Variants in BSN observed in about 807,000 individuals in gnomAD.
BSN encodes bassoon presynaptic cytomatrix protein, also known as protein bassoon.
BSN carries 57 observed loss-of-function variants against 264.8 expected under a neutral mutation model. The observed-to-expected ratio is 0.22, with a 90% confidence interval of 0.17 to 0.27. BSN has a LOEUF of 0.27. Ranked by LOEUF, BSN falls within the 10% of genes least tolerant of loss-of-function variation. BSN has a pLI of 1.00. For missense variants in BSN, 4,615 were observed against 5,232.5 expected (o/e 0.88, Z 3.64); for synonymous variants, 2,059 against 2,137.3 (o/e 0.96, Z 1.01).
chr3:49,613,666 C>CTTT (rs71627401), intron 1 of BSN, among the ~76,000 whole-genome samples: 3 of 143,074 alleles, frequency 2.1e-5, no homozygotes, highest in Non-Finnish European at 4.6e-5. Flanking sequence ...GGCTAATTTT[C>CTTT]TTTTTTTTTT....
At chr3:49,635,082 A>C (rs2052410685) in intron 2 of BSN, among the ~76,000 whole-genome samples, 1 of 152,124 alleles carries the variant, frequency 6.6e-6, no homozygotes, top group African/African-American at 2.4e-5. Context: ...TTGGATGTGG[A>C]GGGTAGGAGA....
chr3:49,633,587 A>T (rs2052397947), intron 2 of BSN, among the ~76,000 whole-genome samples: 1 of 152,240 alleles, frequency 6.6e-6, no homozygotes, highest in East Asian at 1.9e-4. Flanking sequence ...GTATACACTC[A>T]AATGAATTGA....
At position 49,654,804 on chromosome 3, in the gene BSN, G is replaced by A. The variant is rs777529497; in HGVS notation, c.5248G>A (p.Val1750Ile). The stretch of plus-strand genomic sequence containing the variant: ...CATGGCTCAACAAAAGCAGCCTGTG[G>A]TCTATGGAGACCCCTACCAGAGCCG... ...VFMAQQKQPV[V>I]YGDPYQSRLD... Residue 1750 changes from valine to isoleucine, a missense_variant, in exon 5 of 12, where the codon GTC (valine) becomes ATC (isoleucine). Around this residue, in one of 3 missense-constraint regions of BSN, gnomAD observed 3,415 missense variants for 3,866.4 expected, o/e 0.88. Coordinates refer to ENST00000296452, the MANE Select transcript of BSN (RefSeq NM_003458.4). The surrounding 1 kb of genome is among the most constrained non-coding windows in gnomAD (Gnocchi z 4.1). The A allele has an allele frequency of 8.7e-6, 14 of 1,613,548 alleles. No individual in the cohort carries two copies. The highest frequency in any genetic ancestry group is 1.2e-5 in the Non-Finnish European group (14 of 1,179,972).
Position 49,642,338 on chromosome 3 carries a change from G to A in BSN, c.704G>A (p.Arg235His), listed in dbSNP as rs149931635. 5 of 1,598,514 alleles carry A rather than the reference G, an allele frequency of 3.1e-6. No individual in the cohort carries two copies. The highest frequency in any genetic ancestry group is 1.7e-4 in the Middle Eastern group (1 of 6,024). ...GGAATGGACATGACCACTGCACCTCGCTCCAAGAGCCAGCAGCAGCTGCAC... is the reference window on the plus strand; with the variant it reads ...GGAATGGACATGACCACTGCACCTCACTCCAAGAGCCAGCAGCAGCTGCAC... ...ALGMDMTTAPRSKSQQQLHSP... is the reference protein window; with the variant it reads ...ALGMDMTTAPHSKSQQQLHSP... Residue 235 changes from arginine to histidine, a missense_variant, in exon 3 of 12, where the codon CGC becomes CAC. Arg to His is a conservative substitution (Grantham distance 29). This residue lies in a region of BSN where 1,197 missense variants were observed against 1,348.0 expected (regional missense o/e 0.89). Coordinates refer to ENST00000296452, the MANE Select transcript of BSN (RefSeq NM_003458.4). This position sits in a 1 kb window ranked among gnomAD's most constrained non-coding sequence, Gnocchi z 7.0.
intron 2 of BSN, among the ~76,000 whole-genome samples, chr3:49,639,524 G>A (rs1309457982): frequency 1.3e-5 from 2 of 152,188 alleles, no homozygotes; most frequent in Non-Finnish European, 2.9e-5. Context: ...AAGCATTTGG[G>A]TGGGTTAATT....
chr3:49,576,894 A>G (rs1184501153), intron 1 of BSN, among the ~76,000 whole-genome samples: 5 of 152,140 alleles, frequency 3.3e-5, no homozygotes, highest in Non-Finnish European at 7.4e-5. Context: ...GGTGCCCTAC[A>G]TTGGTATATG....
Position 49,662,078 on chromosome 3 carries a change from G to A in BSN, c.10233G>A (p.Gly3411=), listed in dbSNP as rs2052662676. The A allele has an allele frequency of 6.2e-7, 1 of 1,613,482 alleles. No homozygotes were observed. The highest frequency in any genetic ancestry group is 1.3e-5 in the African/African-American group (1 of 74,940). Residue 3411 remains glycine (G), a synonymous_variant, in exon 6 of 12, where the codon GGG becomes GGA. Transcript: ENST00000296452. ...AGTTCCAGGATGAAATCACCTATGGGCTCAAGAAGAACGTGTATGAGCAGC... is the reference window on the plus strand; with the variant it reads ...AGTTCCAGGATGAAATCACCTATGGACTCAAGAAGAACGTGTATGAGCAGC... ...GRKFQDEITY[G]LKKNVYEQQK...
At chr3:49,611,433 A>G (rs142276081) in intron 1 of BSN, among the ~76,000 whole-genome samples, 43 of 152,302 alleles carry the variant, frequency 2.8e-4, no homozygotes, top group Non-Finnish European at 4.7e-4. Flanking sequence ...GCAGGTGTCT[A>G]TAAGCCTGGG....
chr3:49,650,823 C>A lies in BSN; in HGVS notation c.1730C>A (p.Thr577Asn). 6.2e-7 allele frequency: 1 copy of A among 1,614,084 alleles called. No individual in the cohort carries two copies. Among genetic ancestry groups the A allele is most frequent in the Non-Finnish European group, 8.5e-7 (1 of 1,179,982 alleles). ...PLPAKASPLSTKASPLPSKAS... is the reference protein window; with the variant it reads ...PLPAKASPLSNKASPLPSKAS... Reference sequence around the variant, plus strand: ...CCTGCCAAGGCCAGCCCTCTATCCACCAAGGCCAGCCCTCTGCCCAGCAAG... The same window carrying A: ...CCTGCCAAGGCCAGCCCTCTATCCAACAAGGCCAGCCCTCTGCCCAGCAAG... Residue 577 changes from threonine (T) to asparagine (N), a missense_variant, in exon 4 of 12, where the codon ACC becomes AAC. By Grantham distance (65) the Thr-to-Asn change is moderately conservative (BLOSUM62 0). Coordinates refer to ENST00000296452, the MANE Select transcript of BSN (RefSeq NM_003458.4).
chr3:49,581,384 G>A (rs544499631), intron 1 of BSN, among the ~76,000 whole-genome samples: 3 of 152,302 alleles, frequency 2.0e-5, no homozygotes, highest in Non-Finnish European at 4.4e-5. Context: ...GTTACCCACG[G>A]TATGGTACAA....
At chr3:49,583,650 G>T (rs181236120) in intron 1 of BSN, among the ~76,000 whole-genome samples, 51 of 152,154 alleles carry the variant, frequency 3.4e-4, no homozygotes, top group Middle Eastern at 3.4e-3. Context: ...CTTTTTCAAT[G>T]GTTAGTAGGA....
chr3:49,624,300 C>CTTTTTTTTT lies in BSN; in HGVS notation c.225-666_225-658dup, dbSNP rs71080542. 1.5e-4 allele frequency among the ~76,000 whole-genome samples: 10 copies of CTTTTTTTTT among 67,184 alleles called. 4 individuals carry two copies. Among genetic ancestry groups the CTTTTTTTTT allele is most frequent in the East Asian group, 1.0e-3 (2 of 1,954 alleles). The allele number at this position is 67,184 out of a possible 152,430, so 44.1% of individuals were successfully genotyped here. ...CCAGGCGTGAGCCAACGTGCCCAGC[C>CTTTTTTTTT]TTTTTTTTTTTTTTTTTAGACAGGG... On this transcript the variant is annotated intron_variant, in intron 1 of 11. Coordinates refer to ENST00000296452, the MANE Select transcript of BSN (RefSeq NM_003458.4).
chr3:49,567,271 G>A (rs1196571786), intron 1 of BSN, among the ~76,000 whole-genome samples: 2 of 152,106 alleles, frequency 1.3e-5, no homozygotes, highest in Non-Finnish European at 2.9e-5. Context: ...TCTACTCTGT[G>A]GTTATCTGAT....
intron 11 of BSN, among the ~76,000 whole-genome samples, chr3:49,665,760 T>A (rs904825776): frequency 1.5e-4 from 23 of 152,202 alleles, no homozygotes; most frequent in African/African-American, 5.3e-4. Context: ...AAAACACTCC[T>A]GGCTTCACAG....
At chr3:49,610,158 C>T (rs1180260109) in intron 1 of BSN, among the ~76,000 whole-genome samples, 1 of 152,162 alleles carries the variant, frequency 6.6e-6, no homozygotes, top group African/African-American at 2.4e-5. Context: ...CTTCTGGGAG[C>T]CCCCAGACCA....
intron 8 of BSN, 102 bp from the exon 9 acceptor site, chr3:49,664,321 T>G: frequency 6.7e-7 from 1 of 1,492,832 alleles, no homozygotes. Context: ...CTTCCCACCT[T>G]ATAGGGTACC....
Position 49,651,588 on chromosome 3 carries a change from C to G in BSN, c.2032C>G (p.Gln678Glu). 6.2e-7 allele frequency: 1 copy of G among 1,609,468 alleles called. No individual in the cohort carries two copies. The highest frequency in any genetic ancestry group is 1.7e-5 in the Admixed American group (1 of 59,640). ...CTCTCAGGATGCGTCTCGGAGCCCA[C>G]AGAGCCTCAGTGACACAGGCTATTC... ...PYSQDASRSP[Q>E]SLSDTGYSSD... The change falls in exon 5 of 12, where the codon CAG becomes GAG. Residue 678 changes from glutamine (Q) to glutamate (E), a missense_variant. By Grantham distance (29) the Gln-to-Glu change is conservative. Coordinates refer to ENST00000296452, the MANE Select transcript of BSN (RefSeq NM_003458.4). This position sits in a 1 kb window ranked among gnomAD's most constrained non-coding sequence, Gnocchi z 5.4.
rs754075247 is a variant in BSN at position 49,661,819 on chromosome 3, A to G, written c.9974A>G (p.Tyr3325Cys). 2 of 1,613,620 alleles carry G rather than the reference A, an allele frequency of 1.2e-6. No homozygotes were observed. Among genetic ancestry groups the G allele is most frequent in the Non-Finnish European group, 1.7e-6 (2 of 1,180,044 alleles). The part of the protein sequence containing the change: ...ASTHYYGDSD[Y>C]RHGARVEKYG... ...ACCCACTACTATGGTGACAGTGACT[A>G]CAGGCATGGGGCTCGAGTAGAGAAG... Residue 3325 changes from tyrosine (Y) to cysteine (C), a missense_variant, in exon 6 of 12, where the codon TAC becomes TGC. Tyr to Cys is a radical substitution (Grantham distance 194). Coordinates refer to ENST00000296452, the MANE Select transcript of BSN (RefSeq NM_003458.4).
intron 1 of BSN, among the ~76,000 whole-genome samples, chr3:49,569,142 A>G (rs1210803644): frequency 1.3e-5 from 2 of 152,160 alleles, no homozygotes; most frequent in Admixed American, 6.5e-5. Flanking sequence ...GGCCTAGACC[A>G]GGAGTTTGTT....
Sources: allele counts gnomAD v4.1 joint callset (sites outside exome capture counted in the v4.1 genomes callset), GRCh38; gene constraint gnomAD v4.1.1; regional missense constraint gnomAD v4.1.1; non-coding constraint Gnocchi (gnomAD v3.1); transcripts MANE v1.5; gene names NCBI Gene and HGNC (gene_info 2026-07-23, HGNC 2026-07-21).